The following CNTN4 variants were observed in gnomAD, a reference collection of about 807,000 sequenced individuals.
CNTN4 encodes the protein contactin-4.
A neutral mutation model predicts 122.5 loss-of-function variants in CNTN4; 77 were observed. That is an observed-to-expected ratio of 0.63 (90% CI 0.52 to 0.76). CNTN4 has a LOEUF of 0.76. CNTN4 is among the 30% of genes least tolerant of loss of function. CNTN4 has a pLI of 0.00. For missense variants in CNTN4, 1,256 were observed against 1,259.1 expected (o/e 1.00, Z 0.04); for synonymous variants, 512 against 447.0 (o/e 1.15, Z -1.83).
chr3:2,581,752 A>T (rs910490463), intron 4 of CNTN4, among the ~76,000 whole-genome samples: 2 of 152,204 alleles, frequency 1.3e-5, no homozygotes. Flanking sequence ...AACAATCCAA[A>T]TGTCTATCAA....
intron 3 of CNTN4, among the ~76,000 whole-genome samples, chr3:2,412,620 T>C (rs1342246740): frequency 6.6e-6 from 1 of 152,224 alleles, no homozygotes; most frequent in African/African-American, 2.4e-5. Flanking sequence ...CTAATTCTTA[T>C]GCAATAGTAA....
intron 2 of CNTN4, among the ~76,000 whole-genome samples, chr3:2,129,446 C>A (rs1008896991): frequency 4.1e-5 from 6 of 145,080 alleles, no homozygotes; most frequent in Non-Finnish European, 7.6e-5. Context: ...ATTTTGGATT[C>A]TCTCACTCTA....
intron 3 of CNTN4, among the ~76,000 whole-genome samples, chr3:2,396,571 A>G (rs138308838): frequency 8.0e-4 from 122 of 152,208 alleles, no homozygotes; most frequent in African/African-American, 2.7e-3. Flanking sequence ...TTAGCTGCTT[A>G]AAAAGATGGA....
chr3:2,295,585 G>C (rs1203257930), intron 2 of CNTN4, among the ~76,000 whole-genome samples: 1 of 152,008 alleles, frequency 6.6e-6, no homozygotes, highest in Non-Finnish European at 1.5e-5. Context: ...TTAGTCCTTT[G>C]TCAGATGAGT....
At chr3:2,812,130 G>T (rs994057126) in intron 6 of CNTN4, among the ~76,000 whole-genome samples, 1 of 152,164 alleles carries the variant, frequency 6.6e-6, no homozygotes, top group African/African-American at 2.4e-5. Context: ...TTAGAGAGTG[G>T]AGGGCGGGAG....
chr3:2,834,456 C>CT (rs1279818717), intron 7 of CNTN4, among the ~76,000 whole-genome samples: 1 of 152,008 alleles, frequency 6.6e-6, no homozygotes, highest in Non-Finnish European at 1.5e-5. Flanking sequence ...ATCCCAGCTA[C>CT]TTGGGAGGCT....
At chr3:2,784,988 G>A (rs2091752941) in intron 6 of CNTN4, among the ~76,000 whole-genome samples, 1 of 152,050 alleles carries the variant, frequency 6.6e-6, no homozygotes, top group Admixed American at 6.5e-5. Context: ...GATATACTCT[G>A]AAAACTTGGC....
At chr3:2,237,472 C>T (rs2039728669) in intron 2 of CNTN4, among the ~76,000 whole-genome samples, 2 of 151,778 alleles carry the variant, frequency 1.3e-5, no homozygotes, top group Non-Finnish European at 2.9e-5. Flanking sequence ...GACACTGTCT[C>T]AAAAACAAAA....
chr3:3,024,755 C>A (rs1221960583), intron 14 of CNTN4, among the ~76,000 whole-genome samples: 1 of 152,154 alleles, frequency 6.6e-6, no homozygotes, highest in Non-Finnish European at 1.5e-5. Context: ...TAAATACTCT[C>A]TTTAAAGAGG....
chr3:2,860,977 C>T (rs921032430), intron 7 of CNTN4, among the ~76,000 whole-genome samples: 5 of 152,104 alleles, frequency 3.3e-5, no homozygotes, highest in Non-Finnish European at 4.4e-5. Context: ...CAATTTCTAA[C>T]ATTTTTTTTT....
intron 4 of CNTN4, among the ~76,000 whole-genome samples, chr3:2,720,608 C>G (rs1405552254): frequency 1.4e-4 from 22 of 152,094 alleles, no homozygotes; most frequent in Admixed American, 1.4e-3. Context: ...CCATCTAGAC[C>G]ACAGAAAGTC....
At chr3:2,463,154 G>A (rs993243932) in intron 3 of CNTN4, among the ~76,000 whole-genome samples, 3 of 151,774 alleles carry the variant, frequency 2.0e-5, no homozygotes, top group Non-Finnish European at 4.4e-5. Flanking sequence ...TGAAAAGGCT[G>A]AAGACCAAGA....
At chr3:2,376,792 C>T (rs1332233986) in intron 3 of CNTN4, among the ~76,000 whole-genome samples, 1 of 151,976 alleles carries the variant, frequency 6.6e-6, no homozygotes, top group Non-Finnish European at 1.5e-5. Context: ...TGACCATGCA[C>T]TGACTCATTA....
At chr3:2,115,533 C>G (rs564404996) in intron 2 of CNTN4, among the ~76,000 whole-genome samples, 1 of 152,226 alleles carries the variant, frequency 6.6e-6, no homozygotes. Context: ...CAGGGTGCCT[C>G]TTGAGGCCTG....
At chr3:2,972,156 CT>C (rs1446467193) in intron 13 of CNTN4, among the ~76,000 whole-genome samples, 1 of 152,146 alleles carries the variant, frequency 6.6e-6, no homozygotes, top group African/African-American at 2.4e-5. Context: ...TATGTGACCA[CT>C]ACAAAGCGAG....
chr3:2,893,729 C>A (rs938771569), intron 10 of CNTN4, among the ~76,000 whole-genome samples: 5 of 152,084 alleles, frequency 3.3e-5, no homozygotes, highest in African/African-American at 1.2e-4. Flanking sequence ...ACTCTATAGT[C>A]CCAGAGAAGG....
intron 14 of CNTN4, among the ~76,000 whole-genome samples, chr3:3,021,354 T>C (rs1258897209): frequency 6.6e-6 from 1 of 152,208 alleles, no homozygotes; most frequent in Admixed American, 6.5e-5. Flanking sequence ...ATTATTGTCA[T>C]CATTAATCAA....
intron 2 of CNTN4, among the ~76,000 whole-genome samples, chr3:2,139,584 A>T (rs1156426482): frequency 6.6e-6 from 1 of 152,236 alleles, no homozygotes; most frequent in African/African-American, 2.4e-5. Context: ...ACCTCGAGCT[A>T]TCCTGACAGT....
chr3:2,916,576 A>C (rs1277494756), intron 12 of CNTN4, among the ~76,000 whole-genome samples: 1 of 132,628 alleles, frequency 7.5e-6, no homozygotes. Flanking sequence ...GTACAGAACA[A>C]AATGGAGTCT....
Sources: gnomAD v4.1 joint callset for allele counts (sites outside exome capture counted in the v4.1 genomes callset) on GRCh38, gnomAD v4.1.1 for gene constraint, MANE v1.5 for transcripts, NCBI Gene and HGNC (gene_info 2026-07-23, HGNC 2026-07-21) for gene names.